SPMIP7: variants seen among roughly 807,000 people sequenced by gnomAD.
SPMIP7 encodes the protein sperm microtubule inner protein 7.
the SPMIP7 span, among the ~76,000 whole-genome samples, chr7:50,131,165 T>C: frequency 6.6e-6 from 1 of 152,074 alleles, no homozygotes; most frequent in Non-Finnish European, 1.5e-5. Flanking sequence ...TAATGGTAGC[T>C]TGGGGGAGAG....
At chr7:50,156,060 G>A in the SPMIP7 span, among the ~76,000 whole-genome samples, 2 of 152,122 alleles carry the variant, frequency 1.3e-5, no homozygotes, top group African/African-American at 2.4e-5. Context: ...CCTGGCAAGC[G>A]GTGGTGTTCT....
chr7:50,131,064 C>T, the SPMIP7 span, among the ~76,000 whole-genome samples: 6 of 152,248 alleles, frequency 3.9e-5, no homozygotes, highest in Admixed American at 2.0e-4. Flanking sequence ...AGGTAATAAT[C>T]ATGGTGGCTG....
chr7:50,154,361 A>G, the SPMIP7 span, among the ~76,000 whole-genome samples: 1 of 152,136 alleles, frequency 6.6e-6, no homozygotes, highest in Non-Finnish European at 1.5e-5. Flanking sequence ...CGTGTCTGCT[A>G]CTTAGCATCC....
chr7:50,100,355 T>G, the SPMIP7 span, among the ~76,000 whole-genome samples: 1 of 152,236 alleles, frequency 6.6e-6, no homozygotes, highest in African/African-American at 2.4e-5. Context: ...TGTTTTGCAT[T>G]CTGTCAAGGT....
At chr7:50,096,342 C>T in the SPMIP7 span, 3 of 1,552,046 alleles carry the variant, frequency 1.9e-6, no homozygotes, top group Non-Finnish European at 2.6e-6. Flanking sequence ...CCTTATCCCC[C>T]ACCATATGGG....
chr7:50,159,195 C>T, the SPMIP7 span: 66 of 1,547,184 alleles, frequency 4.3e-5, no homozygotes, highest in East Asian at 1.6e-3. Flanking sequence ...GCGGGCTGTC[C>T]AGGCCTCCGC....
At chr7:50,149,089 G>A in the SPMIP7 span, among the ~76,000 whole-genome samples, 228 of 152,120 alleles carry the variant, frequency 1.5e-3, no homozygotes, top group African/African-American at 5.4e-3. Context: ...AAGTTGCAGT[G>A]AGCCGAGATT....
the SPMIP7 span, chr7:50,140,086 A>G: frequency 8.7e-7 from 1 of 1,149,676 alleles, no homozygotes; most frequent in South Asian, 1.6e-5. Flanking sequence ...TAATAATTTG[A>G]TGTTTATTAA....
chr7:50,130,039 G>T, the SPMIP7 span, among the ~76,000 whole-genome samples: 3 of 152,124 alleles, frequency 2.0e-5, no homozygotes, highest in Non-Finnish European at 4.4e-5. Flanking sequence ...GGGGGGATAA[G>T]AGTACAGCAT....
At chr7:50,143,008 C>T in the SPMIP7 span, among the ~76,000 whole-genome samples, 3 of 152,084 alleles carry the variant, frequency 2.0e-5, no homozygotes, top group African/African-American at 7.2e-5. Flanking sequence ...CTATTGAAAG[C>T]AAATATGTCT....
chr7:50,141,815 C>G, the SPMIP7 span: 246 of 147,176 alleles, frequency 1.7e-3, no homozygotes, highest in Admixed American at 3.9e-3. Context: ...CTGCAGACAC[C>G]GCCTCCTGGA....
At chr7:50,107,409 A>AG in the SPMIP7 span, among the ~76,000 whole-genome samples, 5 of 148,860 alleles carry the variant, frequency 3.4e-5, no homozygotes, top group East Asian at 1.9e-4. Flanking sequence ...AAAGAAAAAA[A>AG]AAAAAGAAAA....
At chr7:50,132,774 T>C in the SPMIP7 span, among the ~76,000 whole-genome samples, 1 of 152,212 alleles carries the variant, frequency 6.6e-6, no homozygotes, top group Admixed American at 6.6e-5. Context: ...AAGAACACTA[T>C]GGACTCATCA....
chr7:50,135,986 G>A, the SPMIP7 span: 2 of 734,396 alleles, frequency 2.7e-6, no homozygotes, highest in African/African-American at 1.8e-5. Flanking sequence ...GTTTCCTAGG[G>A]AGCCTGGGGC....
chr7:50,103,701 A>T, the SPMIP7 span, among the ~76,000 whole-genome samples: 1 of 152,072 alleles, frequency 6.6e-6, no homozygotes, highest in Non-Finnish European at 1.5e-5. Context: ...CTTTGGGGAG[A>T]TGTCCCTAAG....
the SPMIP7 span, among the ~76,000 whole-genome samples, chr7:50,106,229 C>T: frequency 2.0e-5 from 3 of 152,142 alleles, no homozygotes; most frequent in Admixed American, 6.6e-5. Flanking sequence ...AAGCCTAGCA[C>T]TTAGGGCCAC....
At chr7:50,125,115 T>TATATATATATATATAC in the SPMIP7 span, among the ~76,000 whole-genome samples, 1 of 25,420 alleles carries the variant, frequency 3.9e-5, no homozygotes, top group South Asian at 1.1e-3. Context: ...TATATATATA[T>TATATATATATATATAC]ACACACACAC....
chr7:50,104,170 A>G, the SPMIP7 span: 1 of 414,480 alleles, frequency 2.4e-6, no homozygotes, highest in South Asian at 4.9e-5. Context: ...TCACAGCTAA[A>G]AGATCCAGAA....
the SPMIP7 span, chr7:50,096,705 T>G: frequency 8.0e-7 from 1 of 1,253,246 alleles, no homozygotes; most frequent in East Asian, 2.6e-5. Context: ...GACATAAGAT[T>G]CAATATTTAG....
Sources: allele counts gnomAD v4.1 joint callset (sites outside exome capture counted in the v4.1 genomes callset), GRCh38; gene constraint gnomAD v4.1.1; transcripts MANE v1.5; gene names NCBI Gene and HGNC (gene_info 2026-07-23, HGNC 2026-07-21).